JPH3: variants seen among roughly 807,000 people sequenced by gnomAD.
JPH3 encodes the protein junctophilin-3.
JPH3 carries 11 observed loss-of-function variants against 59.6 expected under a neutral mutation model. The ratio of observed to expected loss-of-function variants is 0.18; its 90% confidence interval spans 0.12 to 0.31. JPH3 has a LOEUF of 0.31. Ranked by LOEUF, JPH3 falls within the 10% of genes least tolerant of loss-of-function variation. The pLI is 1.00. For missense variants in JPH3, 1,202 were observed against 1,105.7 expected, an observed-to-expected ratio of 1.09 and a Z score of -1.24; for synonymous variants, 673 against 483.6, an observed-to-expected ratio of 1.39 and a Z score of -5.14.
intron 2 of JPH3, among the ~76,000 whole-genome samples, chr16:87,671,005 G>C (rs2033000190): frequency 1.3e-5 from 2 of 152,174 alleles, no homozygotes. Flanking sequence ...AAGGTGCCTG[G>C]GGCTGGAATC....
chr16:87,689,838 C>T lies in JPH3; in HGVS notation c.1478C>T (p.Ala493Val). 1.3e-6 allele frequency: 2 copies of T among 1,540,968 alleles called. No individual in the cohort carries two copies. The highest frequency in any genetic ancestry group is 2.4e-5 in the East Asian group (1 of 41,774). The stretch of plus-strand genomic sequence containing the variant: ...GCGGCCACCCCGCCGCCCGCGCCCG[C>T]CGCCAGGAACAAGGTCGCCCACTTC... The part of the protein sequence containing the change: ...SPAATPPPAP[A>V]ARNKVAHFSR... Residue 493 changes from alanine (A) to valine (V), a missense_variant, in exon 4 of 5, where the codon GCC (alanine) becomes GTC (valine). By Grantham distance (64) the Ala-to-Val change is moderately conservative (BLOSUM62 0). Coordinates refer to ENST00000284262, the MANE Select transcript of JPH3 (RefSeq NM_020655.4).
At chr16:87,659,765 A>C (rs920359938) in intron 2 of JPH3, among the ~76,000 whole-genome samples, 2 of 152,136 alleles carry the variant, frequency 1.3e-5, no homozygotes, top group Non-Finnish European at 2.9e-5. Flanking sequence ...AACCATTTTT[A>C]AGTGTACCGT....
At chr16:87,633,514 A>C (rs56249531) in intron 1 of JPH3, among the ~76,000 whole-genome samples, 11,505 of 151,546 alleles carry the variant, frequency 0.076, 1,301 homozygotes, top group African/African-American at 0.25. Context: ...TATATATTAA[A>C]TGATGGGCGG....
chr16:87,612,804 G>T (rs2030778842), intron 1 of JPH3, among the ~76,000 whole-genome samples: 2 of 152,084 alleles, frequency 1.3e-5, no homozygotes, highest in South Asian at 4.1e-4. Context: ...GGCCGAGGAG[G>T]TCAGGAGATT....
intron 1 of JPH3, among the ~76,000 whole-genome samples, chr16:87,616,198 G>A (rs1460796355): frequency 1.7e-5 from 2 of 118,428 alleles, no homozygotes; most frequent in African/African-American, 5.8e-5. Flanking sequence ...TTTTGTGTGT[G>A]TGTGTGTGTG....
intron 1 of JPH3, among the ~76,000 whole-genome samples, chr16:87,615,746 G>A (rs1200931194): frequency 6.6e-6 from 1 of 152,232 alleles, no homozygotes; most frequent in African/African-American, 2.4e-5. Flanking sequence ...TTCAATGCAG[G>A]TGGTGCTGGG....
chr16:87,647,206 G>A (rs544317383), intron 2 of JPH3, among the ~76,000 whole-genome samples: 185 of 150,856 alleles, frequency 1.2e-3, no homozygotes, highest in Non-Finnish European at 2.3e-3. Flanking sequence ...TGGGGTGAAA[G>A]CCCAGGGGCT....
At chr16:87,622,286 C>T (rs1426917821) in intron 1 of JPH3, among the ~76,000 whole-genome samples, 1 of 152,230 alleles carries the variant, frequency 6.6e-6, no homozygotes, top group Non-Finnish European at 1.5e-5. Flanking sequence ...AAAGCCCAGC[C>T]ATTTCCTCCT....
chr16:87,695,288 G>A (rs2033776824), intron 4 of JPH3: 1 of 455,972 alleles, frequency 2.2e-6, no homozygotes, highest in South Asian at 1.5e-5. Context: ...TTGACCAGAG[G>A]CCAGACTTGG....
At chr16:87,629,806 C>A (rs1291412364) in intron 1 of JPH3, among the ~76,000 whole-genome samples, 1 of 152,064 alleles carries the variant, frequency 6.6e-6, no homozygotes. Flanking sequence ...AAGGCGTGGA[C>A]CCTGATGAAA....
intron 2 of JPH3, among the ~76,000 whole-genome samples, chr16:87,645,483 C>T (rs1056773761): frequency 2.0e-5 from 3 of 152,196 alleles, no homozygotes; most frequent in Non-Finnish European, 2.9e-5. Context: ...CTACCCAGAC[C>T]TGCGATCTAG....
chr16:87,607,439 G>A (rs1350972274), intron 1 of JPH3, among the ~76,000 whole-genome samples: 3 of 152,128 alleles, frequency 2.0e-5, no homozygotes, highest in Admixed American at 1.3e-4. Context: ...ATCCCCCCAG[G>A]CGCCTGCGCA....
chr16:87,682,991 C>T (rs1488228554), intron 2 of JPH3, among the ~76,000 whole-genome samples: 1 of 152,276 alleles, frequency 6.6e-6, no homozygotes, highest in Non-Finnish European at 1.5e-5. Context: ...GAGGGAGAGA[C>T]ACAGTCAGGG....
chr16:87,639,065 G>T (rs376669068), intron 1 of JPH3, among the ~76,000 whole-genome samples: 3 of 152,166 alleles, frequency 2.0e-5, no homozygotes, highest in African/African-American at 7.2e-5. Context: ...TTCCTAGGGC[G>T]GCCACAGCCC....
chr16:87,610,924 C>CT (rs562630056), intron 1 of JPH3, among the ~76,000 whole-genome samples: 55 of 152,308 alleles, frequency 3.6e-4, no homozygotes, highest in Admixed American at 7.2e-4. Flanking sequence ...TCCTCACTAT[C>CT]TTTTTACTGC....
Position 87,650,336 on chromosome 16 carries a change from C to G in JPH3, c.1160+5301C>G, listed in dbSNP as rs1396120131. ...TAAGACAGTGAACTTAATAAATGCTCTGTGTTCTGACCAATCCTCCAACCA... is the reference window on the plus strand; with the variant it reads ...TAAGACAGTGAACTTAATAAATGCTGTGTGTTCTGACCAATCCTCCAACCA... On this transcript the variant is annotated intron_variant, in intron 2 of 4. Coordinates refer to ENST00000284262, the MANE Select transcript of JPH3 (RefSeq NM_020655.4). Among the ~76,000 whole-genome samples, 6 of 152,334 alleles carry G rather than the reference C, an allele frequency of 3.9e-5. No individual in the cohort carries two copies. In the East Asian group the frequency reaches 1.2e-3, roughly 29 times the overall value.
chr16:87,608,233 C>A (rs1245477651), intron 1 of JPH3, among the ~76,000 whole-genome samples: 1 of 152,224 alleles, frequency 6.6e-6, no homozygotes. Context: ...GGGGTGGGGG[C>A]AGGAGCCTCT....
chr16:87,659,589 TG>T (rs1371537156), intron 2 of JPH3, among the ~76,000 whole-genome samples: 2 of 151,678 alleles, frequency 1.3e-5, no homozygotes, highest in Non-Finnish European at 2.9e-5. Context: ...AGTGTATTAG[TG>T]GGTGTGGTGA....
At chr16:87,607,682 C>T (rs183025549) in intron 1 of JPH3, among the ~76,000 whole-genome samples, 8 of 152,322 alleles carry the variant, frequency 5.3e-5, no homozygotes, top group Admixed American at 5.2e-4. Flanking sequence ...TCCCTCATCT[C>T]AACAAAATAA....
Sources: allele counts gnomAD v4.1 joint callset (sites outside exome capture counted in the v4.1 genomes callset), GRCh38; gene constraint gnomAD v4.1.1; transcripts MANE v1.5; gene names NCBI Gene and HGNC (gene_info 2026-07-23, HGNC 2026-07-21).